The following TRIM40 variants were observed in gnomAD, a reference collection of about 807,000 sequenced individuals.
The protein encoded by TRIM40 is tripartite motif containing 40, also known as E3 ubiquitin ligase TRIM40.
A neutral mutation model predicts 26.1 loss-of-function variants in TRIM40; 27 were observed. The ratio of observed to expected loss-of-function variants is 1.04; its 90% confidence interval spans 0.76 to 1.43. The LOEUF is 1.43. Ranked by LOEUF, TRIM40 falls within the 40% of genes most tolerant of loss-of-function variation. The pLI is 0.00. For synonymous variants in TRIM40, 114 were observed against 120.0 expected, an observed-to-expected ratio of 0.95 and a Z score of 0.33; for missense variants, 289 against 307.9, an observed-to-expected ratio of 0.94 and a Z score of 0.46.
intron 2 of TRIM40, 63 bp from the exon 3 acceptor site, chr6:30,145,931 A>C: frequency 7.6e-7 from 1 of 1,311,062 alleles, no homozygotes; most frequent in Non-Finnish European, 1.1e-6. Flanking sequence ...TGTTCCATTG[A>C]CTCCTCCCAG....
chr6:30,141,417 G>T (rs921254028), intron 2 of TRIM40, among the ~76,000 whole-genome samples: 13 of 152,298 alleles, frequency 8.5e-5, no homozygotes, highest in East Asian at 1.9e-4. Context: ...TTGGGGTAAG[G>T]TTCTGGGAAA....
At chr6:30,138,294 G>A (rs78940852) in intron 2 of TRIM40, among the ~76,000 whole-genome samples, 6,002 of 152,246 alleles carry the variant, frequency 0.039, 207 homozygotes, top group African/African-American at 0.087. Flanking sequence ...TACACAGAAC[G>A]TTCTAATGAA....
intron 2 of TRIM40, among the ~76,000 whole-genome samples, chr6:30,141,169 C>A (rs114380932): frequency 6.6e-6 from 1 of 152,060 alleles, no homozygotes; most frequent in East Asian, 1.9e-4. Context: ...AAAAAAAGAA[C>A]GTGACAATTT....
Position 30,136,917 on chromosome 6 carries a change from A to G in TRIM40, c.-120A>G. The G allele has an allele frequency of 1.0e-6, 1 of 992,778 alleles. No homozygotes were observed. Among genetic ancestry groups the G allele is most frequent in the Non-Finnish European group, 1.5e-6 (1 of 684,774 alleles). 61.5% of individuals were successfully genotyped at this position (992,778 alleles called of 1,614,324 possible). A position where few individuals can be genotyped will look rare whatever the true frequency, so the allele number is the denominator to read the frequency against. The stretch of plus-strand genomic sequence containing the variant: ...CTGTGTCCTGTCCCCAGGCTGCTCC[A>G]GGGCTGCCTCCTTCCGACTGGGCCT... On this transcript the variant is annotated 5_prime_UTR_variant, in exon 2 of 6. Coordinates refer to ENST00000396581, the MANE Select transcript of TRIM40 (RefSeq NM_001286633.2).
intron 3 of TRIM40, 78 bp from the exon 4 acceptor site, chr6:30,146,907 T>G (rs1191060491): frequency 2.1e-6 from 3 of 1,413,532 alleles, no homozygotes; most frequent in Non-Finnish European, 2.9e-6. Context: ...TCAGCATTCC[T>G]GCTCAGACAT....
intron 2 of TRIM40, among the ~76,000 whole-genome samples, chr6:30,140,347 A>G (rs903398330): frequency 6.6e-6 from 1 of 152,228 alleles, no homozygotes; most frequent in African/African-American, 2.4e-5. Flanking sequence ...TAGACTGGAT[A>G]AAGAAAATAT....
chr6:30,140,561 G>A (rs2127422170), intron 2 of TRIM40, among the ~76,000 whole-genome samples: 1 of 152,164 alleles, frequency 6.6e-6, no homozygotes, highest in South Asian at 2.1e-4. Context: ...CACACACCAG[G>A]GCCTGTGAGG....
intron 4 of TRIM40, 95 bp downstream of exon 4, chr6:30,147,304 G>A: frequency 6.8e-7 from 1 of 1,477,702 alleles, no homozygotes; most frequent in Non-Finnish European, 9.4e-7. Context: ...AGAGGGAGGG[G>A]CCTGTGTGAT....
intron 2 of TRIM40, among the ~76,000 whole-genome samples, chr6:30,138,455 T>C (rs1771147027): frequency 6.6e-6 from 1 of 152,230 alleles, no homozygotes; most frequent in South Asian, 2.1e-4. Context: ...TCCCCATTGA[T>C]TTGAATGCCA....
Position 30,137,021 on chromosome 6 carries a change from G to A in TRIM40, c.-16G>A. On this transcript the variant is annotated 5_prime_UTR_variant, in exon 2 of 6. Coordinates refer to ENST00000396581, the MANE Select transcript of TRIM40 (RefSeq NM_001286633.2). ...AGGCCCTGCAAACAGGAGGCTGACA[G>A]GGTAGGAACGAGGCCATGATCCCTT... The A allele has an allele frequency of 6.2e-7, 1 of 1,607,988 alleles. No individual in the cohort carries two copies. Among genetic ancestry groups the A allele is most frequent in the Non-Finnish European group, 8.5e-7 (1 of 1,176,864 alleles).
At chr6:30,141,105 G>A (rs1771318440) in intron 2 of TRIM40, among the ~76,000 whole-genome samples, 1 of 152,262 alleles carries the variant, frequency 6.6e-6, no homozygotes, top group Non-Finnish European at 1.5e-5. Context: ...AACACAGTGA[G>A]ATACTATCTC....
At chr6:30,146,439 C>T (rs9261512) in intron 3 of TRIM40, among the ~76,000 whole-genome samples, 28,542 of 151,344 alleles carry the variant, frequency 0.19, 3,120 homozygotes, top group East Asian at 0.24. Flanking sequence ...TGAGATGGAG[C>T]CTTGCTCTGT....
chr6:30,139,685 G>T (rs1407614816), intron 2 of TRIM40, among the ~76,000 whole-genome samples: 1 of 152,122 alleles, frequency 6.6e-6, no homozygotes, highest in Non-Finnish European at 1.5e-5. Flanking sequence ...TGTCCATTTG[G>T]TCAGTGAGGG....
intron 2 of TRIM40, among the ~76,000 whole-genome samples, chr6:30,139,643 AG>A (rs565654535): frequency 1.6e-4 from 24 of 152,246 alleles, no homozygotes; most frequent in African/African-American, 5.1e-4. Context: ...AAAATAAACA[AG>A]GGTCTGGGAT....
intron 2 of TRIM40, among the ~76,000 whole-genome samples, chr6:30,139,646 G>A (rs1771225481): frequency 6.6e-6 from 1 of 152,094 alleles, no homozygotes; most frequent in Non-Finnish European, 1.5e-5. Context: ...ATAAACAAGG[G>A]TCTGGGATGA....
chr6:30,144,223 G>A (rs1771517263), intron 2 of TRIM40, among the ~76,000 whole-genome samples: 1 of 152,140 alleles, frequency 6.6e-6, no homozygotes, highest in South Asian at 2.1e-4. Flanking sequence ...CCATTTTGAA[G>A]GGAGGACTAA....
In TRIM40 at chr6:30,147,531, C is replaced by T. The variant is rs756995527; in HGVS notation, c.678C>T (p.Asp226=). The T allele has an allele frequency of 3.7e-6, 6 of 1,614,164 alleles. No homozygotes were observed. Among genetic ancestry groups the T allele is most frequent in the Non-Finnish European group, 5.1e-6 (6 of 1,180,044 alleles). ...LDTNTLKNAG[D]LLNRSAPQKL... is the part of the protein sequence containing the mutation. ...TTTCTCTCTCCTAGAATGCTGGTGA[C>T]TTACTGAACAGGTACGAGCTGTCCC... Residue 226 remains aspartate, a synonymous_variant, in exon 5 of 6, where the codon GAC becomes GAT. Coordinates refer to ENST00000396581, the MANE Select transcript of TRIM40 (RefSeq NM_001286633.2).
At chr6:30,141,287 C>T (rs1448146584) in intron 2 of TRIM40, among the ~76,000 whole-genome samples, 1 of 152,168 alleles carries the variant, frequency 6.6e-6, no homozygotes, top group African/African-American at 2.4e-5. Context: ...TGTGATTGTG[C>T]CACTGCACTG....
At chr6:30,138,952 C>T (rs1459732313) in intron 2 of TRIM40, among the ~76,000 whole-genome samples, 1 of 152,202 alleles carries the variant, frequency 6.6e-6, no homozygotes, top group African/African-American at 2.4e-5. Context: ...ACATCATTCC[C>T]TCCAGGTGCA....
Sources: gnomAD v4.1 joint callset for allele counts (sites outside exome capture counted in the v4.1 genomes callset) on GRCh38, gnomAD v4.1.1 for gene constraint, MANE v1.5 for transcripts, NCBI Gene and HGNC (gene_info 2026-07-23, HGNC 2026-07-21) for gene names.